MAPRE2: variants seen among roughly 807,000 people sequenced by gnomAD.
The protein encoded by MAPRE2 is microtubule associated protein RP/EB family member 2.
A neutral mutation model predicts 43.2 loss-of-function variants in MAPRE2; 13 were observed. That is an observed-to-expected ratio of 0.30 (90% CI 0.20 to 0.48). MAPRE2 has a LOEUF of 0.48. Among genes scored for constraint, MAPRE2 ranks in the 20% least tolerant of loss-of-function variants. The pLI, the probability that MAPRE2 is intolerant of heterozygous loss-of-function variation, is 0.99. For synonymous variants in MAPRE2, 135 were observed against 148.8 expected (o/e 0.91, Z 0.68); for missense variants, 161 against 400.2 (o/e 0.40, Z 5.10).
At chr18:35,132,328 A>C in intron 6 of MAPRE2, 138 bp downstream of exon 6, 1 of 709,862 alleles carries the variant, frequency 1.4e-6, no homozygotes, top group Non-Finnish European at 2.3e-6. Context: ...TGATAGTCCC[A>C]AAGGAATAAA....
At chr18:35,005,708 T>G (rs531859359) in intron 2 of MAPRE2, among the ~76,000 whole-genome samples, 136 of 152,328 alleles carry the variant, frequency 8.9e-4, no homozygotes, top group African/African-American at 3.2e-3. Flanking sequence ...AACACTATTT[T>G]TCAAATCAAA....
chr18:35,016,943 A>G (rs544420541), intron 2 of MAPRE2, among the ~76,000 whole-genome samples: 2 of 152,098 alleles, frequency 1.3e-5, no homozygotes, highest in East Asian at 3.9e-4. Flanking sequence ...TCTTCACTTA[A>G]ATCTTTAATC....
chr18:35,075,643 A>G (rs1907313323), intron 2 of MAPRE2, among the ~76,000 whole-genome samples: 1 of 152,192 alleles, frequency 6.6e-6, no homozygotes, highest in Non-Finnish European at 1.5e-5. Context: ...TATATTACAT[A>G]GAGTCTTTTT....
At chr18:35,062,179 G>A (rs1906567633) in intron 1 of MAPRE2, among the ~76,000 whole-genome samples, 1 of 152,160 alleles carries the variant, frequency 6.6e-6, no homozygotes, top group Admixed American at 6.5e-5. Flanking sequence ...TCTGTGATGG[G>A]ACTGAATATC....
intron 6 of MAPRE2, 131 bp downstream of exon 6, chr18:35,132,321 T>C: frequency 1.3e-6 from 1 of 755,404 alleles, no homozygotes. Context: ...GTGCACCTGA[T>C]AGTCCCAAAG....
chr18:35,006,530 G>T (rs2097031956), intron 2 of MAPRE2, among the ~76,000 whole-genome samples: 1 of 152,116 alleles, frequency 6.6e-6, no homozygotes, highest in Non-Finnish European at 1.5e-5. Context: ...ATGACTGGTG[G>T]TCACTTTTTA....
At chr18:35,078,125 A>G (rs1159832692) in intron 2 of MAPRE2, among the ~76,000 whole-genome samples, 4 of 152,186 alleles carry the variant, frequency 2.6e-5, no homozygotes, top group Non-Finnish European at 5.9e-5. Context: ...AGCACCTCAT[A>G]TGTTTATCTG....
At position 34,980,386 on chromosome 18, in the gene MAPRE2, C is replaced by T. The variant is rs9950800; in HGVS notation, c.-70+3307C>T. Among the ~76,000 whole-genome samples the T allele has an allele frequency of 4.5e-3, 689 of 152,146 alleles. 3 individuals are homozygous for T. The highest frequency in any genetic ancestry group is 0.015 in the African/African-American group (630 of 41,516). ...ACAGCAAGCACTCAATATTTTTGGCCGTTGAACTTTATCTGAACCTCTCTT... is the reference window on the plus strand; with the variant it reads ...ACAGCAAGCACTCAATATTTTTGGCTGTTGAACTTTATCTGAACCTCTCTT... On this transcript the variant is annotated intron_variant, in intron 1 of 7. Coordinates refer to the MAPRE2 transcript ENST00000413393.
intron 1 of MAPRE2, among the ~76,000 whole-genome samples, chr18:34,977,606 A>G (rs2097013918): frequency 6.6e-6 from 1 of 152,178 alleles, no homozygotes; most frequent in Non-Finnish European, 1.5e-5. Context: ...GCTTGGGAGC[A>G]TCCCCTGGAC....
chr18:35,055,537 C>CTCTCTGTG (rs1555914066), intron 1 of MAPRE2, among the ~76,000 whole-genome samples: 18 of 146,696 alleles, frequency 1.2e-4, no homozygotes, highest in African/African-American at 4.6e-4. Flanking sequence ...ATTCAGTTCT[C>CTCTCTGTG]TGTGTGTGTG....
At chr18:35,113,323 CT>C (rs1255226631) in intron 4 of MAPRE2, among the ~76,000 whole-genome samples, 1 of 152,222 alleles carries the variant, frequency 6.6e-6, no homozygotes, top group Non-Finnish European at 1.5e-5. Context: ...CCAAGGGCTT[CT>C]TCCTAGGAAG....
At chr18:35,022,025 G>A (rs1310882611) in intron 2 of MAPRE2, among the ~76,000 whole-genome samples, 2 of 152,138 alleles carry the variant, frequency 1.3e-5, no homozygotes, top group Admixed American at 6.5e-5. Flanking sequence ...AGCCTCAGAA[G>A]CAGTGGAACC....
chr18:34,996,600 G>A (rs1263036631), intron 1 of MAPRE2, among the ~76,000 whole-genome samples: 1 of 152,078 alleles, frequency 6.6e-6, no homozygotes, highest in East Asian at 1.9e-4. Context: ...AACATGGGTT[G>A]GAAGCTTCAG....
intron 2 of MAPRE2, among the ~76,000 whole-genome samples, chr18:35,018,501 G>C (rs2097039886): frequency 6.6e-6 from 1 of 151,068 alleles, no homozygotes. Flanking sequence ...TTCAATTTTG[G>C]AACTTGATAT....
At chr18:35,107,276 A>G (rs1908952839) in intron 4 of MAPRE2, among the ~76,000 whole-genome samples, 1 of 152,192 alleles carries the variant, frequency 6.6e-6, no homozygotes, top group African/African-American at 2.4e-5. Flanking sequence ...TCATAATTAA[A>G]TCCCTAAATG....
rs1910630226 is a variant in MAPRE2 at position 35,141,433 on chromosome 18, A to T, written c.*1064A>T. ...TTGCGAGGGAGAATCATGGTTCTGCAGTCTGGTGTAGACACTGGAATAACA... is the reference window on the plus strand; with the variant it reads ...TTGCGAGGGAGAATCATGGTTCTGCTGTCTGGTGTAGACACTGGAATAACA... On this transcript the variant is annotated 3_prime_UTR_variant, in exon 7 of 7. Transcript: ENST00000300249. 1 of 152,264 alleles carries T rather than the reference A, an allele frequency of 6.6e-6. No homozygotes were observed. Among genetic ancestry groups the T allele is most frequent in the African/African-American group, 2.4e-5 (1 of 41,472 alleles). The allele number at this position is 152,264 out of a possible 1,614,324, so 9.4% of individuals were successfully genotyped here.
intron 1 of MAPRE2, among the ~76,000 whole-genome samples, chr18:34,981,875 TTA>T (rs374847047): frequency 0.32 from 24,517 of 77,396 alleles, 2,340 homozygotes; most frequent in East Asian, 0.52. Flanking sequence ...TTTTTTTTTT[TTA>T]TTTTTATTTA....
At chr18:35,005,693 T>C (rs1226368902) in intron 2 of MAPRE2, 3 of 470,916 alleles carry the variant, frequency 6.4e-6, no homozygotes, top group East Asian at 6.6e-5. Flanking sequence ...AATATGCTCT[T>C]TTAAAACACT....
Position 35,127,091 on chromosome 18 carries a change from A to T in MAPRE2, c.750+4A>T, listed in dbSNP as rs1427628701. 6.2e-6 allele frequency: 10 copies of T among 1,614,000 alleles called. No individual in the cohort carries two copies. Among genetic ancestry groups the T allele is most frequent in the African/African-American group, 1.3e-5 (1 of 74,924 alleles). ...GGTCATACAGCTTAATGAACAGGTA[A>T]TGCATCAGCTCTGGCCACGCCTCTA... On this transcript the variant is annotated splice_donor_region_variant and intron_variant, in intron 5 of 6. Coordinates refer to ENST00000300249, the MANE Select transcript of MAPRE2 (RefSeq NM_014268.4).
Sources: allele counts gnomAD v4.1 joint callset (sites outside exome capture counted in the v4.1 genomes callset), GRCh38; gene constraint gnomAD v4.1.1; transcripts MANE v1.5; gene names NCBI Gene and HGNC (gene_info 2026-07-23, HGNC 2026-07-21).